Variants in EXOC4 observed in about 807,000 individuals in gnomAD.
EXOC4 encodes the protein SEC8-like 1.
Under a neutral mutation model 107.2 loss-of-function variants are expected in EXOC4, and 71 were observed. The ratio of observed to expected loss-of-function variants is 0.66; its 90% confidence interval spans 0.55 to 0.81. The LOEUF is 0.81. Among genes scored for constraint, EXOC4 ranks in the 30% least tolerant of loss-of-function variants. The pLI is 0.00. For missense variants in EXOC4, 1,108 were observed against 1,189.6 expected (o/e 0.93, Z 1.01); for synonymous variants, 456 against 441.2 (o/e 1.03, Z -0.42).
At chr7:133,971,334 G>GTGTATATATATATA (rs1413652002) in intron 14 of EXOC4, among the ~76,000 whole-genome samples, 1 of 41,792 alleles carries the variant, frequency 2.4e-5, no homozygotes, top group African/African-American at 9.8e-5. Context: ...GGGAAAATGT[G>GTGTATATATATATA]TATATATATA....
In EXOC4 at chr7:133,281,236, A is replaced by C. The variant is rs181716780; in HGVS notation, c.276+6065A>C. Among the ~76,000 whole-genome samples, 19 of 152,212 alleles carry C rather than the reference A, an allele frequency of 1.2e-4. No homozygotes were observed. In the East Asian group the frequency reaches 3.3e-3, roughly 26 times the overall value. On this transcript the variant is annotated intron_variant, in intron 2 of 17. Coordinates refer to ENST00000253861, the MANE Select transcript of EXOC4 (RefSeq NM_021807.4). ...GGTTCGTTCTTTCCAGGTGCTTTCT[A>C]ACTAACCTGCACAATGTGCACATGT...
Position 133,970,245 on chromosome 7 carries a change from G to A in EXOC4, c.2207-27247G>A, listed in dbSNP as rs567428758. ...GACTTCAGACTGCTATGCTGGCAGC[G>A]AGAATTTCAAGCTAGTGGATCTTAG... On this transcript the variant is annotated intron_variant, in intron 14 of 17. Coordinates refer to ENST00000253861, the MANE Select transcript of EXOC4 (RefSeq NM_021807.4). Among the ~76,000 whole-genome samples, 715 of 152,058 alleles carry A rather than the reference G, an allele frequency of 4.7e-3. 3 individuals carry two copies. The highest frequency in any genetic ancestry group is 0.017 in the Middle Eastern group (5 of 292).
chr7:133,810,498 A>ACAACACAGGTATTG (rs1234753544), intron 10 of EXOC4, among the ~76,000 whole-genome samples: 1 of 152,232 alleles, frequency 6.6e-6, no homozygotes, highest in Non-Finnish European at 1.5e-5. Flanking sequence ...TTGCATATGT[A>ACAACACAGGTATTG]CATACATTTA....
chr7:134,033,911 C>A (rs751661816), intron 17 of EXOC4, among the ~76,000 whole-genome samples: 11 of 152,180 alleles, frequency 7.2e-5, no homozygotes, highest in South Asian at 4.1e-4. Flanking sequence ...AATTAGACAT[C>A]CAAACAGTGT....
intron 5 of EXOC4, among the ~76,000 whole-genome samples, chr7:133,323,464 A>T (rs530947511): frequency 2.6e-5 from 4 of 152,232 alleles, no homozygotes; most frequent in East Asian, 3.9e-4. Flanking sequence ...ATCTATTGAG[A>T]TACTCATGTG....
intron 10 of EXOC4, among the ~76,000 whole-genome samples, chr7:133,636,571 T>C (rs1014235314): frequency 6.6e-6 from 1 of 152,166 alleles, no homozygotes; most frequent in African/African-American, 2.4e-5. Context: ...AAAGAACAGT[T>C]GTTTGCAGTC....
intron 10 of EXOC4, among the ~76,000 whole-genome samples, chr7:133,751,982 CAAATAAATAAATAAATAAAT>C (rs138557946): frequency 1.6e-5 from 2 of 124,990 alleles, no homozygotes; most frequent in Non-Finnish European, 3.8e-5. Context: ...ATCTCTCTAC[CAAATAAATAAATAAATAAAT>C]AAATAAATAA....
intron 4 of EXOC4, among the ~76,000 whole-genome samples, chr7:133,313,804 G>T (rs1794929616): frequency 6.6e-6 from 1 of 152,086 alleles, no homozygotes; most frequent in Non-Finnish European, 1.5e-5. Context: ...CTTGTTTTGG[G>T]TTTAATTTGT....
chr7:133,717,851 T>C (rs961867478), intron 10 of EXOC4, among the ~76,000 whole-genome samples: 1 of 152,198 alleles, frequency 6.6e-6, no homozygotes, highest in Non-Finnish European at 1.5e-5. Flanking sequence ...AAAGATGGTG[T>C]ATATCTCAAA....
chr7:134,070,452 T>C (rs1287792494), downstream of EXOC4, among the ~76,000 whole-genome samples: 1 of 152,176 alleles, frequency 6.6e-6, no homozygotes, highest in Non-Finnish European at 1.5e-5. Context: ...TGGGGTGTAA[T>C]GAGATAGAGC....
At chr7:133,480,009 G>A in intron 8 of EXOC4, 41 bp from the exon 9 acceptor site, 1 of 1,541,670 alleles carries the variant, frequency 6.5e-7, no homozygotes, top group Non-Finnish European at 9.0e-7. Context: ...CACTTAATTG[G>A]TTTACACCTG....
intron 4 of EXOC4, among the ~76,000 whole-genome samples, chr7:133,316,728 A>G (rs901898699): frequency 3.9e-4 from 59 of 152,316 alleles, no homozygotes; most frequent in African/African-American, 1.4e-3. Flanking sequence ...AACCTGTTTG[A>G]GATCCTTAAA....
Position 133,317,315 on chromosome 7 carries a change from A to G in EXOC4, c.688A>G (p.Ile230Val), listed in dbSNP as rs1795011770. 1 of 1,613,596 alleles carries G rather than the reference A, an allele frequency of 6.2e-7. No individual in the cohort carries two copies. Among genetic ancestry groups the G allele is most frequent in the South Asian group, 1.1e-5 (1 of 91,072 alleles). Residue 230 changes from isoleucine (I) to valine (V), a missense_variant, in exon 5 of 18, where the codon ATT becomes GTT. Transcript: ENST00000253861. ...SLVKDASVPL[I>V]DVTNLPTPRK... ...CGTGAAAGATGCTTCTGTTCCTCTGATTGATGTTACAAACCTCCCTACTCC... is the reference window on the plus strand; with the variant it reads ...CGTGAAAGATGCTTCTGTTCCTCTGGTTGATGTTACAAACCTCCCTACTCC...
At chr7:133,938,521 G>T (rs1800355405) in intron 14 of EXOC4, among the ~76,000 whole-genome samples, 1 of 152,100 alleles carries the variant, frequency 6.6e-6, no homozygotes, top group South Asian at 2.1e-4. Context: ...TAAGGTGCTA[G>T]AAAATAGAGT....
intron 6 of EXOC4, among the ~76,000 whole-genome samples, chr7:133,367,392 A>G (rs1209584071): frequency 1.3e-5 from 2 of 152,170 alleles, no homozygotes; most frequent in Non-Finnish European, 2.9e-5. Flanking sequence ...ACAAGTGGGC[A>G]GTAGAAACAA....
At chr7:133,291,720 A>T (rs1340508018) in intron 3 of EXOC4, among the ~76,000 whole-genome samples, 1 of 151,984 alleles carries the variant, frequency 6.6e-6, no homozygotes, top group East Asian at 1.9e-4. Context: ...TTTTTTTTCC[A>T]TCCCAGTGTT....
intron 9 of EXOC4, among the ~76,000 whole-genome samples, chr7:133,523,483 G>T (rs1466503209): frequency 7.4e-5 from 11 of 147,792 alleles, no homozygotes; most frequent in African/African-American, 2.8e-4. Flanking sequence ...GGGTACATGT[G>T]CACATTGTGC....
At chr7:134,057,912 G>A (rs1439717595) in intron 17 of EXOC4, among the ~76,000 whole-genome samples, 1 of 152,230 alleles carries the variant, frequency 6.6e-6, no homozygotes, top group Non-Finnish European at 1.5e-5. Context: ...TGGCTAGTTA[G>A]TAGCGAAGAA....
chr7:133,750,976 GT>G (rs1209486057), intron 10 of EXOC4, among the ~76,000 whole-genome samples: 5 of 152,198 alleles, frequency 3.3e-5, no homozygotes, highest in African/African-American at 1.2e-4. Flanking sequence ...GACAGACGTT[GT>G]TTGTATTTCA....
Sources: allele counts gnomAD v4.1 joint callset (sites outside exome capture counted in the v4.1 genomes callset), GRCh38; gene constraint gnomAD v4.1.1; transcripts MANE v1.5; gene names NCBI Gene and HGNC (gene_info 2026-07-23, HGNC 2026-07-21).